Variants in TMEM260 observed in about 807,000 individuals in gnomAD.
The protein encoded by TMEM260 is transmembrane protein 260.
A neutral mutation model predicts 88.9 loss-of-function variants in TMEM260; 82 were observed. The ratio of observed to expected loss-of-function variants is 0.92; its 90% CI spans 0.77 to 1.11. The LOEUF is 1.11. Among genes scored for constraint, TMEM260 ranks in the 50% least tolerant of loss-of-function variants. The pLI, the probability that TMEM260 is intolerant of heterozygous loss-of-function variation, is 0.00. For missense variants in TMEM260, 902 were observed against 853.4 expected (o/e 1.06, Z -0.71); for synonymous variants, 314 against 309.3 (o/e 1.02, Z -0.16).
At chr14:56,620,822 C>G (rs939184501) in intron 10 of TMEM260, among the ~76,000 whole-genome samples, 3 of 152,094 alleles carry the variant, frequency 2.0e-5, no homozygotes, top group Non-Finnish European at 1.5e-5. Context: ...GTTTTGTCAT[C>G]TTTTTCTTTT....
At chr14:56,644,069 T>C (rs1889790215) in intron 15 of TMEM260, among the ~76,000 whole-genome samples, 1 of 152,090 alleles carries the variant, frequency 6.6e-6, no homozygotes, top group Non-Finnish European at 1.5e-5. Flanking sequence ...TGCGTGAAAA[T>C]GGCCATACTG....
intron 3 of TMEM260, among the ~76,000 whole-genome samples, 192 bp from the exon 4 acceptor site, chr14:56,603,623 A>G (rs543579539): frequency 6.6e-6 from 1 of 152,352 alleles, no homozygotes; most frequent in Admixed American, 6.5e-5. Context: ...GTTCATTAAT[A>G]GGTTAACATA....
chr14:56,657,359 C>G, the TMEM260 span, among the ~76,000 whole-genome samples: 1 of 152,150 alleles, frequency 6.6e-6, no homozygotes, highest in African/African-American at 2.4e-5. Flanking sequence ...CCCGGCTGGT[C>G]ATGAACTCCT....
intron 12 of TMEM260, among the ~76,000 whole-genome samples, chr14:56,628,774 A>ATG (rs1888395436): frequency 6.6e-6 from 1 of 152,036 alleles, no homozygotes; most frequent in Non-Finnish European, 1.5e-5. Context: ...GTCTTATTTT[A>ATG]CTATCTCAGA....
intron 3 of TMEM260, among the ~76,000 whole-genome samples, chr14:56,596,332 C>T (rs1272465122): frequency 6.8e-6 from 1 of 146,330 alleles, no homozygotes; most frequent in Non-Finnish European, 1.5e-5. Flanking sequence ...ATTAGTTTTT[C>T]AAAAAATCAA....
At chr14:56,586,191 A>G (rs1170099973) in intron 3 of TMEM260, among the ~76,000 whole-genome samples, 1 of 152,136 alleles carries the variant, frequency 6.6e-6, no homozygotes, top group Non-Finnish European at 1.5e-5. Flanking sequence ...GAAGATGCAG[A>G]TGGGCCAGTT....
intron 15 of TMEM260, among the ~76,000 whole-genome samples, chr14:56,642,399 T>A (rs1305370109): frequency 1.3e-5 from 2 of 152,118 alleles, no homozygotes; most frequent in African/African-American, 2.4e-5. Flanking sequence ...AACCTGCTCC[T>A]GAATGACTAC....
At chr14:56,636,037 AAG>A (rs1889036101) in intron 14 of TMEM260, among the ~76,000 whole-genome samples, 1 of 152,150 alleles carries the variant, frequency 6.6e-6, no homozygotes, top group African/African-American at 2.4e-5. Context: ...TAAAAGAAGA[AAG>A]AGGTCATTAT....
At chr14:56,596,404 G>GTATATA (rs1325127327) in intron 3 of TMEM260, among the ~76,000 whole-genome samples, 1 of 127,064 alleles carries the variant, frequency 7.9e-6, no homozygotes, top group African/African-American at 3.1e-5. Flanking sequence ...GTGTGTGTGT[G>GTATATA]TGTATATATA....
At chr14:56,585,690 T>C (rs1885448946) in intron 2 of TMEM260, 71 bp from the exon 3 acceptor site, 1 of 1,472,058 alleles carries the variant, frequency 6.8e-7, no homozygotes, top group African/African-American at 1.4e-5. Context: ...AGGGCTACTT[T>C]TCAATTAAGG....
At chr14:56,646,607 A>T (rs893170766) in intron 15 of TMEM260, among the ~76,000 whole-genome samples, 1 of 152,230 alleles carries the variant, frequency 6.6e-6, no homozygotes, top group Non-Finnish European at 1.5e-5. Flanking sequence ...TCCTATGGGC[A>T]AAGTTTTAAC....
intron 12 of TMEM260, among the ~76,000 whole-genome samples, chr14:56,630,271 C>T (rs1028534712): frequency 6.6e-6 from 1 of 152,122 alleles, no homozygotes; most frequent in Non-Finnish European, 1.5e-5. Flanking sequence ...CAAATTTCTT[C>T]AACCTGTAAG....
intron 11 of TMEM260, among the ~76,000 whole-genome samples, chr14:56,624,149 T>C (rs928039277): frequency 1.3e-5 from 2 of 152,192 alleles, no homozygotes; most frequent in African/African-American, 4.8e-5. Context: ...TGATTGAGCT[T>C]CTCCAGGGCA....
intron 15 of TMEM260, among the ~76,000 whole-genome samples, chr14:56,646,743 A>G (rs955161201): frequency 6.6e-6 from 1 of 152,064 alleles, no homozygotes; most frequent in Admixed American, 6.6e-5. Flanking sequence ...TATCGTTGCT[A>G]GTGTTGTTAG....
chr14:56,636,328 G>A (rs906515660), intron 14 of TMEM260, among the ~76,000 whole-genome samples, 180 bp from the exon 15 acceptor site: 1 of 151,992 alleles, frequency 6.6e-6, no homozygotes. Context: ...CATCTTGGTG[G>A]GTGGGTGGAG....
intron 12 of TMEM260, among the ~76,000 whole-genome samples, chr14:56,631,631 A>C (rs12587444): frequency 1.7e-5 from 2 of 118,164 alleles, no homozygotes; most frequent in Non-Finnish European, 3.8e-5. Context: ...TCAAAAAAAA[A>C]AAAAAAAGAG....
chr14:56,627,647 A>G (rs1343033846), intron 12 of TMEM260, among the ~76,000 whole-genome samples: 2 of 151,196 alleles, frequency 1.3e-5, no homozygotes, highest in Non-Finnish European at 2.9e-5. Flanking sequence ...GGCATGTGAT[A>G]GAGATATTTT....
chr14:56,597,739 ATGG>A (rs1195347473), intron 3 of TMEM260, among the ~76,000 whole-genome samples: 1 of 151,984 alleles, frequency 6.6e-6, no homozygotes, highest in Non-Finnish European at 1.5e-5. Context: ...CTAAAATGGG[ATGG>A]TGGTGGTATG....
At chr14:56,646,291 GTTTCT>G (rs1031694047) in intron 15 of TMEM260, among the ~76,000 whole-genome samples, 3 of 152,126 alleles carry the variant, frequency 2.0e-5, no homozygotes, top group African/African-American at 4.8e-5. Flanking sequence ...ATATGATTGG[GTTTCT>G]TTTAACTAAA....
Sources: allele counts gnomAD v4.1 joint callset (sites outside exome capture counted in the v4.1 genomes callset), GRCh38; gene constraint gnomAD v4.1.1; transcripts MANE v1.5; gene names NCBI Gene and HGNC (gene_info 2026-07-23, HGNC 2026-07-21).